CTNNA3: variants seen among roughly 807,000 people sequenced by gnomAD.
CTNNA3 encodes catenin alpha-3.
Under a neutral mutation model 95.7 loss-of-function variants are expected in CTNNA3, and 76 were observed. That is an observed-to-expected ratio of 0.79 (90% CI 0.66 to 0.96). The LOEUF is 0.96. Among genes scored for constraint, CTNNA3 ranks in the 40% least tolerant of loss-of-function variants. CTNNA3 has a pLI of 0.00. For synonymous variants in CTNNA3, 431 were observed against 374.4 expected, an observed-to-expected ratio of 1.15 and a Z score of -1.74; for missense variants, 1,191 against 1,089.8, an observed-to-expected ratio of 1.09 and a Z score of -1.31.
At chr10:67,284,492 A>G (rs1312278522) in intron 5 of CTNNA3, among the ~76,000 whole-genome samples, 1 of 152,238 alleles carries the variant, frequency 6.6e-6, no homozygotes, top group African/African-American at 2.4e-5. Context: ...ACATACTTAA[A>G]TATATTTTGA....
intron 1 of CTNNA3, among the ~76,000 whole-genome samples, chr10:67,738,630 C>G (rs1022093455): frequency 2.6e-5 from 4 of 151,352 alleles, no homozygotes; most frequent in African/African-American, 9.7e-5. Flanking sequence ...TTCAGATGAT[C>G]AAACTACTCT....
At chr10:66,911,746 A>C (rs1441110265) in intron 7 of CTNNA3, among the ~76,000 whole-genome samples, 3 of 152,150 alleles carry the variant, frequency 2.0e-5, no homozygotes, top group Non-Finnish European at 4.4e-5. Flanking sequence ...TTAAGCCTTT[A>C]TGTCACTACT....
intron 7 of CTNNA3, among the ~76,000 whole-genome samples, chr10:67,050,202 C>T (rs1029703743): frequency 2.0e-5 from 3 of 152,206 alleles, no homozygotes; most frequent in Non-Finnish European, 4.4e-5. Flanking sequence ...GAAGAATCTG[C>T]AATGCAGATA....
At chr10:66,170,241 CTTTTTTTTTT>C (rs57644952) in intron 13 of CTNNA3, among the ~76,000 whole-genome samples, 3 of 73,362 alleles carry the variant, frequency 4.1e-5, no homozygotes, top group African/African-American at 1.5e-4. Context: ...TCCTCATTGT[CTTTTTTTTTT>C]TTTTTTTTTT....
At chr10:67,702,211 G>A (rs1050952373) in intron 1 of CTNNA3, among the ~76,000 whole-genome samples, 45 of 151,792 alleles carry the variant, frequency 3.0e-4, no homozygotes, top group Admixed American at 2.0e-4. Context: ...ACATTAGACA[G>A]ATCAACGAGA....
At chr10:67,625,893 T>C (rs766144846) in intron 2 of CTNNA3, among the ~76,000 whole-genome samples, 2 of 152,124 alleles carry the variant, frequency 1.3e-5, no homozygotes, top group Non-Finnish European at 2.9e-5. Context: ...TTTATAAAAA[T>C]TAGTTTGAGG....
chr10:66,401,077 G>A (rs1015283960), intron 11 of CTNNA3, among the ~76,000 whole-genome samples: 2 of 152,112 alleles, frequency 1.3e-5, no homozygotes, highest in African/African-American at 4.8e-5. Context: ...ATTGTTGTTT[G>A]ACTAAATTAT....
intron 5 of CTNNA3, among the ~76,000 whole-genome samples, chr10:67,488,242 C>A (rs1025947306): frequency 6.6e-6 from 1 of 151,904 alleles, no homozygotes. Flanking sequence ...GGGAAATATA[C>A]CAAAATAATT....
chr10:67,653,107 C>T (rs1186986277), intron 1 of CTNNA3, among the ~76,000 whole-genome samples: 1 of 152,204 alleles, frequency 6.6e-6, no homozygotes, highest in Admixed American at 6.5e-5. Context: ...CTAGGGAGGC[C>T]TCAGGGAGCT....
chr10:65,978,753 C>A (rs1276743010), intron 16 of CTNNA3, among the ~76,000 whole-genome samples: 1 of 152,130 alleles, frequency 6.6e-6, no homozygotes, highest in African/African-American at 2.4e-5. Context: ...TGAAGAATGC[C>A]TTGTTCCTCT....
intron 7 of CTNNA3, among the ~76,000 whole-genome samples, chr10:66,876,169 G>C (rs1055216963): frequency 2.0e-5 from 3 of 152,128 alleles, no homozygotes; most frequent in Admixed American, 6.5e-5. Context: ...TTGGTAAAAT[G>C]GGCCATAGGG....
intron 1 of CTNNA3, among the ~76,000 whole-genome samples, chr10:67,743,340 G>A (rs1841353972): frequency 6.6e-6 from 1 of 151,160 alleles, no homozygotes; most frequent in Non-Finnish European, 1.5e-5. Context: ...TGCAAGGCTG[G>A]TTCAACATAC....
chr10:67,502,146 G>A (rs1839252860), intron 5 of CTNNA3, among the ~76,000 whole-genome samples: 1 of 152,060 alleles, frequency 6.6e-6, no homozygotes, highest in African/African-American at 2.4e-5. Context: ...CTTCGGATGG[G>A]GTTTTTGTGT....
chr10:66,195,142 A>T (rs2086885555), intron 13 of CTNNA3, among the ~76,000 whole-genome samples: 1 of 152,138 alleles, frequency 6.6e-6, no homozygotes, highest in African/African-American at 2.4e-5. Context: ...AATGGAGCCT[A>T]CAGATGTCAC....
intron 12 of CTNNA3, among the ~76,000 whole-genome samples, chr10:66,321,979 A>G (rs898792375): frequency 2.8e-4 from 43 of 152,148 alleles, no homozygotes; most frequent in African/African-American, 8.2e-4. Flanking sequence ...GGGAATGTGC[A>G]TGGCACCCTG....
chr10:67,039,384 G>GA (rs1275735320), intron 7 of CTNNA3, among the ~76,000 whole-genome samples: 2 of 152,078 alleles, frequency 1.3e-5, no homozygotes, highest in African/African-American at 2.4e-5. Flanking sequence ...CTGTGCAGCA[G>GA]AAAAAGCCTA....
chr10:67,000,528 A>C (rs773274288), intron 7 of CTNNA3, among the ~76,000 whole-genome samples: 20 of 152,198 alleles, frequency 1.3e-4, no homozygotes, highest in Non-Finnish European at 1.9e-4. Context: ...GTAATCACAA[A>C]ATTACAACAA....
At chr10:66,007,864 T>TCC (rs995877220) in intron 15 of CTNNA3, among the ~76,000 whole-genome samples, 1 of 147,820 alleles carries the variant, frequency 6.8e-6, no homozygotes, top group South Asian at 2.3e-4. Flanking sequence ...CCTTCCTACT[T>TCC]CCCCTCCTTC....
chr10:66,404,429 T>C (rs2093041910), intron 11 of CTNNA3, among the ~76,000 whole-genome samples: 1 of 152,174 alleles, frequency 6.6e-6, no homozygotes, highest in Non-Finnish European at 1.5e-5. Flanking sequence ...ACCTGTTACA[T>C]GATTGACTAA....
Sources: gnomAD v4.1 joint callset for allele counts (sites outside exome capture counted in the v4.1 genomes callset) on GRCh38, gnomAD v4.1.1 for gene constraint, MANE v1.5 for transcripts, NCBI Gene and HGNC (gene_info 2026-07-23, HGNC 2026-07-21) for gene names.